Variants in MAN1A1 observed in about 807,000 individuals in gnomAD.
MAN1A1 encodes mannosyl-oligosaccharide 1,2-alpha-mannosidase IA.
MAN1A1 carries 29 observed loss-of-function variants against 70.8 expected under a neutral mutation model. The observed-to-expected ratio is 0.41, with a 90% CI of 0.31 to 0.56. The LOEUF is 0.56. MAN1A1 is among the 20% of genes least tolerant of loss of function. MAN1A1 has a pLI of 0.29. For missense variants in MAN1A1, 747 were observed against 841.3 expected, an observed-to-expected ratio of 0.89 and a Z score of 1.39; for synonymous variants, 349 against 330.1, an observed-to-expected ratio of 1.06 and a Z score of -0.62.
intron 8 of MAN1A1, among the ~76,000 whole-genome samples, chr6:119,197,451 C>G (rs1322140167): frequency 6.6e-6 from 1 of 152,174 alleles, no homozygotes; most frequent in Non-Finnish European, 1.5e-5. Context: ...ATGGTTACTA[C>G]CCGCAAAAGC....
At chr6:119,349,309 A>C in intron 1 of MAN1A1, 22 bp from the exon 2 acceptor site, 2 of 1,186,498 alleles carry the variant, frequency 1.7e-6, no homozygotes, top group Non-Finnish European at 1.0e-6. Context: ...GAAACAGTAA[A>C]ACGTAGTAAT....
Position 119,349,732 on chromosome 6 carries a change from G to C in MAN1A1, c.-413C>G, listed in dbSNP as rs905798808. Reference sequence around the variant, plus strand: ...CGAATGGCAGCGAGTAGAGCAGCACGGTACACTCCGCCGCGGCCCCGCGAG... The same window carrying C: ...CGAATGGCAGCGAGTAGAGCAGCACCGTACACTCCGCCGCGGCCCCGCGAG... On this transcript the variant is annotated 5_prime_UTR_variant, in exon 1 of 13. Coordinates refer to ENST00000368468, the MANE Select transcript of MAN1A1 (RefSeq NM_005907.4). 21 of 985,512 alleles carry C rather than the reference G, an allele frequency of 2.1e-5. No individual in the cohort carries two copies. Among genetic ancestry groups the C allele is most frequent in the Non-Finnish European group, 2.3e-5 (19 of 829,984 alleles). The allele number at this position is 985,512 out of a possible 1,614,324, so 61.0% of individuals were successfully genotyped here. A position where few individuals can be genotyped will look rare whatever the true frequency, so the allele number is the denominator to read the frequency against.
At chr6:119,225,395 T>TAG (rs1293219163) in intron 6 of MAN1A1, among the ~76,000 whole-genome samples, 10 of 148,694 alleles carry the variant, frequency 6.7e-5, no homozygotes, top group African/African-American at 1.2e-4. Context: ...CCTTGTCTCT[T>TAG]AGAGAGAGAG....
At chr6:119,189,291 G>A (rs1343596929) in intron 10 of MAN1A1, among the ~76,000 whole-genome samples, 1 of 152,154 alleles carries the variant, frequency 6.6e-6, no homozygotes, top group East Asian at 1.9e-4. Flanking sequence ...TTTATAAGAA[G>A]GGAGTGGGAT....
intron 6 of MAN1A1, among the ~76,000 whole-genome samples, chr6:119,234,589 AT>A (rs1159431623): frequency 6.6e-6 from 1 of 151,938 alleles, no homozygotes; most frequent in Admixed American, 6.5e-5. Flanking sequence ...AATTTTTGAA[AT>A]TTTTTGTAGA....
intron 6 of MAN1A1, among the ~76,000 whole-genome samples, chr6:119,242,134 G>GACACACACACACACACACACACACAC (rs139698571): frequency 5.3e-5 from 8 of 150,526 alleles, no homozygotes; most frequent in African/African-American, 2.0e-4. Context: ...CAGACAGACA[G>GACACACACACACACACACACACACAC]ACACACACAC....
intron 2 of MAN1A1, among the ~76,000 whole-genome samples, chr6:119,319,390 A>ATCATCATC (rs1562240897): frequency 2.7e-4 from 39 of 143,720 alleles, no homozygotes; most frequent in African/African-American, 8.9e-4. Context: ...TAATAATAAT[A>ATCATCATC]ATCATCATCA....
chr6:119,325,385 T>G (rs1436781356), intron 2 of MAN1A1, among the ~76,000 whole-genome samples: 1 of 152,184 alleles, frequency 6.6e-6, no homozygotes, highest in Non-Finnish European at 1.5e-5. Flanking sequence ...TGGCAAGACA[T>G]GGTGGCTCAC....
chr6:119,185,958 A>C (rs939141931), intron 11 of MAN1A1, among the ~76,000 whole-genome samples: 9 of 151,842 alleles, frequency 5.9e-5, no homozygotes, highest in African/African-American at 2.2e-4. Flanking sequence ...ATTCAGCCCT[A>C]AAAGACCACA....
intron 5 of MAN1A1, among the ~76,000 whole-genome samples, chr6:119,278,469 C>G (rs1471622776): frequency 6.6e-6 from 1 of 152,118 alleles, no homozygotes; most frequent in African/African-American, 2.4e-5. Context: ...TTACTCAGTA[C>G]ATATTTTAGT....
At chr6:119,320,549 C>CA (rs1256329013) in intron 2 of MAN1A1, among the ~76,000 whole-genome samples, 2 of 150,742 alleles carry the variant, frequency 1.3e-5, no homozygotes, top group Admixed American at 6.6e-5. Context: ...TATGATTTAC[C>CA]AAAAAAATTA....
At chr6:119,292,320 A>G (rs1220439683) in intron 4 of MAN1A1, among the ~76,000 whole-genome samples, 1 of 151,940 alleles carries the variant, frequency 6.6e-6, no homozygotes, top group East Asian at 1.9e-4. Flanking sequence ...CCATTCACTA[A>G]TAATCATGGG....
intron 6 of MAN1A1, among the ~76,000 whole-genome samples, chr6:119,240,267 T>C (rs1459284570): frequency 1.3e-5 from 2 of 152,172 alleles, no homozygotes; most frequent in African/African-American, 4.8e-5. Context: ...TTGGATAAAT[T>C]TTTCCACTTT....
In MAN1A1 at chr6:119,180,454, A is replaced by T. The variant is rs758876136; in HGVS notation, c.1720-27T>A. Reference sequence around the variant, plus strand: ...TAAATTATAGAGGAGGAAAAAAAAAAGTCACATTTCAGTAAACTGATTGTC... The same window carrying T: ...TAAATTATAGAGGAGGAAAAAAAAATGTCACATTTCAGTAAACTGATTGTC... On this transcript the variant is annotated intron_variant, in intron 11 of 12. Transcript: ENST00000368468. 8 of 1,185,122 alleles carry T rather than the reference A, an allele frequency of 6.8e-6. No homozygotes were observed. The East Asian group carries it at 1.6e-4, about 24-fold the overall frequency. The allele number at this position is 1,185,122 out of a possible 1,614,324, so 73.4% of individuals were successfully genotyped here. A position where few individuals can be genotyped will look rare whatever the true frequency, so the allele number is the denominator to read the frequency against.
At chr6:119,280,207 C>G (rs768784917) in intron 5 of MAN1A1, among the ~76,000 whole-genome samples, 3 of 152,162 alleles carry the variant, frequency 2.0e-5, no homozygotes, top group Non-Finnish European at 2.9e-5. Flanking sequence ...TGGGTTCAGG[C>G]CTATCAATAT....
At chr6:119,280,223 C>T (rs1293790481) in intron 5 of MAN1A1, among the ~76,000 whole-genome samples, 1 of 152,196 alleles carries the variant, frequency 6.6e-6, no homozygotes, top group Non-Finnish European at 1.5e-5. Flanking sequence ...AATATCTTAT[C>T]TTCTGTGCTT....
At chr6:119,290,328 T>C (rs1012679934) in intron 5 of MAN1A1, among the ~76,000 whole-genome samples, 1 of 152,012 alleles carries the variant, frequency 6.6e-6, no homozygotes, top group South Asian at 2.1e-4. Flanking sequence ...TGTATTAACA[T>C]TAAAATAATT....
intron 2 of MAN1A1, among the ~76,000 whole-genome samples, chr6:119,327,607 T>G (rs1773191616): frequency 6.6e-6 from 1 of 151,988 alleles, no homozygotes; most frequent in Non-Finnish European, 1.5e-5. Flanking sequence ...CCAGGCTACA[T>G]TCCATATTTT....
intron 5 of MAN1A1, among the ~76,000 whole-genome samples, chr6:119,284,506 G>A (rs1201642287): frequency 1.3e-5 from 2 of 152,054 alleles, no homozygotes; most frequent in African/African-American, 4.8e-5. Flanking sequence ...AGCTTTATCA[G>A]CTTTTCTTTC....
Sources: gnomAD v4.1 joint callset for allele counts (sites outside exome capture counted in the v4.1 genomes callset) on GRCh38, gnomAD v4.1.1 for gene constraint, MANE v1.5 for transcripts, NCBI Gene and HGNC (gene_info 2026-07-23, HGNC 2026-07-21) for gene names.